Variants in EPS15 observed in about 807,000 individuals in gnomAD.
The protein encoded by EPS15 is epidermal growth factor receptor substrate 15.
A neutral mutation model predicts 113.8 loss-of-function variants in EPS15; 72 were observed. The observed-to-expected ratio is 0.63, with a 90% confidence interval of 0.52 to 0.77. EPS15 has a LOEUF of 0.77. EPS15 is among the 30% of genes least tolerant of loss of function. The probability of loss-of-function intolerance (pLI) is 0.00; values close to 1 mark genes in which losing one functional copy is unlikely to be tolerated. For missense variants in EPS15, 1,048 were observed against 1,045.8 expected (o/e 1.00, Z -0.03); for synonymous variants, 344 against 363.4 (o/e 0.95, Z 0.61).
chr1:51,431,357 C>CT (rs1457582079), intron 12 of EPS15, among the ~76,000 whole-genome samples: 2 of 152,116 alleles, frequency 1.3e-5, no homozygotes, highest in African/African-American at 4.8e-5. Context: ...AAAATACAAA[C>CT]TTTGGGGTGT....
chr1:51,362,290 T>C (rs1466158307), intron 23 of EPS15, among the ~76,000 whole-genome samples: 1 of 152,170 alleles, frequency 6.6e-6, no homozygotes, highest in African/African-American at 2.4e-5. Flanking sequence ...GGGTCAGATA[T>C]ATGAAATTAT....
chr1:51,419,975 T>A (rs141646625), intron 13 of EPS15, among the ~76,000 whole-genome samples: 36 of 152,290 alleles, frequency 2.4e-4, no homozygotes, highest in African/African-American at 7.5e-4. Context: ...GTATAATGAA[T>A]AAATAATGAA....
At chr1:51,509,682 T>C (rs1334994970) in intron 1 of EPS15, among the ~76,000 whole-genome samples, 1 of 152,218 alleles carries the variant, frequency 6.6e-6, no homozygotes. Context: ...AGCTTAGATT[T>C]TCATGAGCAA....
intron 21 of EPS15, among the ~76,000 whole-genome samples, chr1:51,368,024 C>T (rs1032536118): frequency 1.3e-5 from 2 of 152,000 alleles, no homozygotes; most frequent in Admixed American, 6.5e-5. Context: ...CTCAGCTACT[C>T]AGGAGGCTGA....
In EPS15 at chr1:51,419,172, C is replaced by T. The variant is rs138349506; in HGVS notation, c.1113+2614G>A. ...ACATTTCCCCCTTGGAATTGGATCA[C>T]TTTGGGCCTAATTTGTCCACAGAAC... On this transcript the variant is annotated intron_variant, in intron 13 of 24. Coordinates refer to ENST00000371733, the MANE Select transcript of EPS15 (RefSeq NM_001981.3). Among the ~76,000 whole-genome samples, 258 of 152,212 alleles carry T rather than the reference C, an allele frequency of 1.7e-3. 2 individuals carry two copies. Among genetic ancestry groups the T allele is most frequent in the African/African-American group, 5.9e-3 (247 of 41,548 alleles).
intron 1 of EPS15, among the ~76,000 whole-genome samples, chr1:51,508,360 GAAAGAAAGAAAGAA>G (rs1044894692): frequency 6.7e-6 from 1 of 149,448 alleles, no homozygotes; most frequent in Non-Finnish European, 1.5e-5. Context: ...AAGAAAGAAA[GAAAGAAAGAAAGAA>G]AGAAAGAAAG....
At chr1:51,505,252 C>T (rs959249560) in intron 1 of EPS15, among the ~76,000 whole-genome samples, 1 of 152,056 alleles carries the variant, frequency 6.6e-6, no homozygotes, top group African/African-American at 2.4e-5. Flanking sequence ...AAGCATTATT[C>T]ATAACAGCCA....
chr1:51,371,182 T>G (rs1395636431), intron 21 of EPS15, among the ~76,000 whole-genome samples: 2 of 152,184 alleles, frequency 1.3e-5, no homozygotes, highest in African/African-American at 4.8e-5. Context: ...CTCAAAGTGC[T>G]GGGATTACAG....
intron 13 of EPS15, among the ~76,000 whole-genome samples, chr1:51,412,390 A>G (rs1649811476): frequency 6.6e-6 from 1 of 152,218 alleles, no homozygotes; most frequent in Non-Finnish European, 1.5e-5. Flanking sequence ...ATAAAAAAGA[A>G]TTAGATGTTC....
At chr1:51,424,985 A>C (rs539900443) in intron 12 of EPS15, among the ~76,000 whole-genome samples, 5 of 152,214 alleles carry the variant, frequency 3.3e-5, no homozygotes, top group Non-Finnish European at 7.4e-5. Flanking sequence ...TGACAGGAAA[A>C]GCTATTACCT....
intron 20 of EPS15, among the ~76,000 whole-genome samples, chr1:51,395,591 T>C (rs1480378403): frequency 2.6e-5 from 4 of 152,184 alleles, no homozygotes; most frequent in Admixed American, 2.0e-4. Context: ...CAATAAGCTA[T>C]GTAAAAGTCT....
intron 12 of EPS15, among the ~76,000 whole-genome samples, chr1:51,429,624 C>A (rs1020514936): frequency 2.0e-5 from 3 of 149,994 alleles, no homozygotes; most frequent in Non-Finnish European, 4.4e-5. Context: ...GTAAAGACAG[C>A]CTTTTACTGT....
rs1310307698 is a variant in EPS15 at position 51,355,047 on chromosome 1, T to A, written c.*1653A>T. On this transcript the variant is annotated 3_prime_UTR_variant, in exon 25 of 25. Transcript: ENST00000371733. The stretch of plus-strand genomic sequence containing the variant: ...ATCCTTAGGTCACTGGATTCGTTTA[T>A]CAAAATTAAGCCTTGTGATTATGAT... The A allele has an allele frequency of 4.5e-6, 1 of 222,882 alleles. No individual in the cohort carries two copies. The highest frequency in any genetic ancestry group is 9.0e-6 in the Non-Finnish European group (1 of 111,414). The allele number at this position is 222,882 out of a possible 1,614,324, so 13.8% of individuals were successfully genotyped here.
intron 22 of EPS15, among the ~76,000 whole-genome samples, chr1:51,365,261 C>T (rs1228558121): frequency 6.6e-6 from 1 of 152,170 alleles, no homozygotes; most frequent in Non-Finnish European, 1.5e-5. Context: ...ACATTTCAGG[C>T]TGGACGTAAT....
chr1:51,380,186 T>C (rs1483267531), intron 21 of EPS15, among the ~76,000 whole-genome samples: 1 of 150,078 alleles, frequency 6.7e-6, no homozygotes, highest in African/African-American at 2.5e-5. Context: ...ACTGCGTCAC[T>C]GCACTCCAGC....
At chr1:51,387,936 C>T (rs201817032) in intron 21 of EPS15, among the ~76,000 whole-genome samples, 1 of 152,082 alleles carries the variant, frequency 6.6e-6, no homozygotes, top group Non-Finnish European at 1.5e-5. Context: ...AAAAGGATAT[C>T]CAGGAATTGA....
Position 51,466,462 on chromosome 1 carries a change from CA to C in EPS15, c.310-1137del, listed in dbSNP as rs927738053. 9.5e-5 allele frequency among the ~76,000 whole-genome samples: 14 copies of C among 146,634 alleles called. 1 individual carries two copies. The highest frequency in any genetic ancestry group is 4.3e-4 in the South Asian group (2 of 4,608). Reference sequence around the variant, plus strand: ...CATGGTGAAAAACCATCTCTACCACCAAAAAAAAAATTTAGCCGGGTGTGGT... The same window carrying C: ...CATGGTGAAAAACCATCTCTACCACCAAAAAAAAATTTAGCCGGGTGTGGT... On this transcript the variant is annotated intron_variant, in intron 5 of 24. Transcript: ENST00000371733.
At chr1:51,424,016 A>C (rs2148452814) in intron 12 of EPS15, among the ~76,000 whole-genome samples, 1 of 152,178 alleles carries the variant, frequency 6.6e-6, no homozygotes, top group Non-Finnish European at 1.5e-5. Flanking sequence ...AAATATGGAG[A>C]TCTTTAGGCA....
chr1:51,464,291 G>A (rs1037661352), intron 6 of EPS15, among the ~76,000 whole-genome samples: 4 of 149,866 alleles, frequency 2.7e-5, no homozygotes, highest in African/African-American at 9.8e-5. Flanking sequence ...CCAGGCTGGA[G>A]TGCAGTGGCA....
Sources: gnomAD v4.1 joint callset for allele counts (sites outside exome capture counted in the v4.1 genomes callset) on GRCh38, gnomAD v4.1.1 for gene constraint, MANE v1.5 for transcripts, NCBI Gene and HGNC (gene_info 2026-07-23, HGNC 2026-07-21) for gene names.